SLC7A11: variants seen among roughly 807,000 people sequenced by gnomAD.
The protein encoded by SLC7A11 is cystine/glutamate transporter.
A neutral mutation model predicts 54.5 loss-of-function variants in SLC7A11; 35 were observed. The ratio of observed to expected loss-of-function variants is 0.64; its 90% CI spans 0.49 to 0.85. The LOEUF (loss-of-function observed/expected upper bound fraction) is 0.85. Among genes scored for constraint, SLC7A11 ranks in the 40% least tolerant of loss-of-function variants. The pLI, the probability that SLC7A11 is intolerant of heterozygous loss-of-function variation, is 0.00. For synonymous variants in SLC7A11, 230 were observed against 225.2 expected (o/e 1.02, Z -0.19); for missense variants, 583 against 618.1 (o/e 0.94, Z 0.60).
intron 6 of SLC7A11, among the ~76,000 whole-genome samples, chr4:138,206,245 T>C (rs956021327): frequency 6.6e-6 from 1 of 151,394 alleles, no homozygotes; most frequent in Non-Finnish European, 1.5e-5. Context: ...TCTCTCTCTC[T>C]CCCTCTCCCT....
chr4:138,222,083 C>G (rs1410043961), intron 4 of SLC7A11, among the ~76,000 whole-genome samples: 2 of 152,196 alleles, frequency 1.3e-5, no homozygotes, highest in African/African-American at 4.8e-5. Context: ...TCAGTGCAAG[C>G]TCTAACGGTC....
intron 3 of SLC7A11, among the ~76,000 whole-genome samples, chr4:138,224,815 A>AAGGAAGGAAGGAAGGAAGG (rs1737899165): frequency 1.5e-5 from 2 of 135,880 alleles, no homozygotes; most frequent in Non-Finnish European, 3.2e-5. Context: ...AGGAAGGATG[A>AAGGAAGGAAGGAAGGAAGG]AAGGAAGGAA....
chr4:138,186,032 T>A (rs944784038), intron 6 of SLC7A11, among the ~76,000 whole-genome samples: 5 of 152,114 alleles, frequency 3.3e-5, no homozygotes, highest in African/African-American at 1.2e-4. Context: ...GACCGGACAG[T>A]GCTGACATTA....
chr4:138,233,247 C>T (rs890244599), intron 2 of SLC7A11, among the ~76,000 whole-genome samples: 1 of 150,476 alleles, frequency 6.6e-6, no homozygotes. Context: ...TGTAGTGGCA[C>T]GATCTCAGCT....
intron 6 of SLC7A11, among the ~76,000 whole-genome samples, chr4:138,200,484 T>G (rs570216830): frequency 7.5e-4 from 114 of 152,264 alleles, no homozygotes; most frequent in African/African-American, 2.5e-3. Flanking sequence ...AAAGCAGTTT[T>G]GTTCTATTCT....
intron 11 of SLC7A11, among the ~76,000 whole-genome samples, chr4:138,174,145 C>T (rs923000483): frequency 1.5e-4 from 23 of 152,170 alleles, no homozygotes; most frequent in African/African-American, 5.5e-4. Flanking sequence ...CCCTCCACAC[C>T]CAACATGAAA....
At chr4:138,175,736 C>T (rs1303621574) in intron 11 of SLC7A11, 1 of 152,036 alleles carries the variant, frequency 6.6e-6, no homozygotes, top group African/African-American at 2.4e-5. Flanking sequence ...CTGAAAATCT[C>T]AGCTCCTTGG....
intron 11 of SLC7A11, among the ~76,000 whole-genome samples, chr4:138,172,989 A>G (rs1226938467): frequency 2.0e-5 from 3 of 151,844 alleles, no homozygotes; most frequent in African/African-American, 7.3e-5. Flanking sequence ...GATTACAGGC[A>G]TGTGCCACCA....
chr4:138,185,877 AC>A (rs1397684300), intron 6 of SLC7A11, among the ~76,000 whole-genome samples: 2 of 152,166 alleles, frequency 1.3e-5, no homozygotes, highest in Non-Finnish European at 2.9e-5. Context: ...TGTATATAAG[AC>A]AAGAAAGCAC....
chr4:138,174,397 C>T (rs1208660246), intron 11 of SLC7A11: 1 of 152,248 alleles, frequency 6.6e-6, no homozygotes, highest in Non-Finnish European at 1.5e-5. Flanking sequence ...TATCTTTCCT[C>T]TTCCTTTGTG....
At chr4:138,179,670 G>T (rs1302306613) in intron 10 of SLC7A11, among the ~76,000 whole-genome samples, 1 of 152,114 alleles carries the variant, frequency 6.6e-6, no homozygotes, top group Non-Finnish European at 1.5e-5. Context: ...TACTTTATTA[G>T]AGATGTTCTG....
intron 6 of SLC7A11, among the ~76,000 whole-genome samples, chr4:138,191,030 G>A (rs763908555): frequency 4.6e-5 from 7 of 152,092 alleles, no homozygotes; most frequent in Non-Finnish European, 7.4e-5. Context: ...TAAATGAAAT[G>A]TATTTGAAGA....
intron 1 of SLC7A11, among the ~76,000 whole-genome samples, chr4:138,237,234 G>A (rs992147597): frequency 3.3e-5 from 5 of 151,806 alleles, no homozygotes; most frequent in Non-Finnish European, 7.4e-5. Flanking sequence ...TGATCTGCCC[G>A]CCTTGGTCTC....
At chr4:138,188,056 T>C (rs1044745371) in intron 6 of SLC7A11, among the ~76,000 whole-genome samples, 2 of 152,120 alleles carry the variant, frequency 1.3e-5, no homozygotes, top group East Asian at 3.9e-4. Flanking sequence ...TAATTATTCT[T>C]TTTTAAAAAA....
At position 138,166,534 on chromosome 4, in the gene SLC7A11, A is replaced by T. The variant is rs972117996; in HGVS notation, c.*5422T>A. 2 of 152,630 alleles carry T rather than the reference A, an allele frequency of 1.3e-5. No individual in the cohort carries two copies. Among genetic ancestry groups the T allele is most frequent in the Non-Finnish European group, 2.9e-5 (2 of 68,034 alleles). The allele number at this position is 152,630 out of a possible 1,614,324, so 9.5% of individuals were successfully genotyped here. On this transcript the variant is annotated 3_prime_UTR_variant, in exon 12 of 12. Transcript: ENST00000280612. ...CAATACATTAATTCACTTGAAAGTCATACTTTTAAAAAAAATCAGTAGTGT... is the reference window on the plus strand; with the variant it reads ...CAATACATTAATTCACTTGAAAGTCTTACTTTTAAAAAAAATCAGTAGTGT...
At chr4:138,181,565 T>G (rs1276208915) in intron 9 of SLC7A11, among the ~76,000 whole-genome samples, 5 of 152,074 alleles carry the variant, frequency 3.3e-5, no homozygotes, top group Non-Finnish European at 2.9e-5. Flanking sequence ...GGAAACGTTC[T>G]GAAACAAATT....
In SLC7A11 at chr4:138,185,133, A is replaced by G; in HGVS notation, c.903T>C (p.Asn301=). The G allele has an allele frequency of 5.0e-6, 8 of 1,612,842 alleles. No individual in the cohort carries two copies. Among genetic ancestry groups the G allele is most frequent in the Non-Finnish European group, 6.8e-6 (8 of 1,179,154 alleles). ...TINAEELLLS[N]AVAVTFSERL... Reference sequence around the variant, plus strand: ...AACTTGGACTTACCACTGCCACTGCATTTGAAAGCAGCAGCTCCTCAGCAT... The same window carrying G: ...AACTTGGACTTACCACTGCCACTGCGTTTGAAAGCAGCAGCTCCTCAGCAT... Residue 301 remains asparagine, a synonymous_variant, in exon 7 of 12, where the codon AAT becomes AAC. Coordinates refer to ENST00000280612, the MANE Select transcript of SLC7A11 (RefSeq NM_014331.4).
chr4:138,173,647 AAG>A (rs1177727549), intron 11 of SLC7A11, among the ~76,000 whole-genome samples: 3 of 152,080 alleles, frequency 2.0e-5, no homozygotes, highest in Non-Finnish European at 2.9e-5. Context: ...AAAAAAAAAA[AAG>A]TATTTTTTTC....
intron 1 of SLC7A11, among the ~76,000 whole-genome samples, chr4:138,238,756 T>C (rs116167757): frequency 1.4e-4 from 22 of 152,018 alleles, no homozygotes; most frequent in Admixed American, 1.4e-3. Flanking sequence ...CACACCACCA[T>C]GCCCAGCTAA....
Sources: gnomAD v4.1 joint callset for allele counts (sites outside exome capture counted in the v4.1 genomes callset) on GRCh38, gnomAD v4.1.1 for gene constraint, MANE v1.5 for transcripts, NCBI Gene and HGNC (gene_info 2026-07-23, HGNC 2026-07-21) for gene names.